The following IKZF3 variants were observed in gnomAD, a reference collection of about 807,000 sequenced individuals.
IKZF3 encodes zinc finger protein Aiolos.
IKZF3 carries 10 observed loss-of-function variants against 49.0 expected under a neutral mutation model. The observed-to-expected ratio is 0.20, with a 90% CI of 0.13 to 0.35. The LOEUF (loss-of-function observed/expected upper bound fraction) is 0.35. Among genes scored for constraint, IKZF3 ranks in the 10% least tolerant of loss-of-function variants. The probability of loss-of-function intolerance (pLI) is 1.00; values close to 1 mark genes in which losing one functional copy is unlikely to be tolerated. For missense variants in IKZF3, 498 were observed against 664.8 expected, an observed-to-expected ratio of 0.75 and a Z score of 2.76; for synonymous variants, 209 against 228.2, an observed-to-expected ratio of 0.92 and a Z score of 0.76.
At chr17:39,862,640 T>A (rs2063245422) in intron 1 of IKZF3, among the ~76,000 whole-genome samples, 1 of 152,290 alleles carries the variant, frequency 6.6e-6, no homozygotes. Flanking sequence ...AAGCATAATC[T>A]ATACTATCTA....
At position 39,773,356 on chromosome 17, in the gene IKZF3, A is replaced by C. The variant is rs1485371950; in HGVS notation, c.826+4295T>G. On this transcript the variant is annotated intron_variant, in intron 7 of 7. Transcript: ENST00000346872. Reference sequence around the variant, plus strand: ...AGCCCAAAAATACTATGACATTGTAATGCTTACAGGATTATGGACATCAGG... The same window carrying C: ...AGCCCAAAAATACTATGACATTGTACTGCTTACAGGATTATGGACATCAGG... 5.9e-5 allele frequency among the ~76,000 whole-genome samples: 9 copies of C among 152,204 alleles called. No homozygotes were observed. The South Asian group carries it at 1.9e-3, about 31-fold the overall frequency.
Position 39,823,698 on chromosome 17 carries a change from C to T in IKZF3, c.163+5689G>A, listed in dbSNP as rs140832160. ...GCATCTAAAAGGGGCAAAGGTACAG[C>T]TCAGGCTGTTGCTTCAGAGAGTACA... On this transcript the variant is annotated intron_variant, in intron 3 of 7. Transcript: ENST00000346872. Among the ~76,000 whole-genome samples, 657 of 152,326 alleles carry T rather than the reference C, an allele frequency of 4.3e-3. 6 individuals are homozygous for T. Among genetic ancestry groups the T allele is most frequent in the African/African-American group, 0.015 (609 of 41,572 alleles).
At chr17:39,801,796 T>A (rs1232686258) in intron 3 of IKZF3, among the ~76,000 whole-genome samples, 1 of 152,242 alleles carries the variant, frequency 6.6e-6, no homozygotes, top group African/African-American at 2.4e-5. Context: ...AACTAAACTT[T>A]TGGTCATTGA....
At chr17:39,768,879 G>C (rs773043633) in intron 7 of IKZF3, among the ~76,000 whole-genome samples, 1 of 152,256 alleles carries the variant, frequency 6.6e-6, no homozygotes, top group African/African-American at 2.4e-5. Context: ...CAATGAAACA[G>C]AGCATTTCAT....
intron 1 of IKZF3, chr17:39,836,165 G>A (rs544192882): frequency 2.0e-5 from 13 of 663,470 alleles, no homozygotes; most frequent in Admixed American, 1.9e-4. Flanking sequence ...TCCACCTCCA[G>A]CTTAAGGGGG....
intron 6 of IKZF3, chr17:39,778,070 T>C (rs1168287973): frequency 9.6e-7 from 1 of 1,040,372 alleles, no homozygotes; most frequent in Non-Finnish European, 1.2e-6. Context: ...TGCAAAAAGA[T>C]AGATAGATGG....
At chr17:39,800,339 A>G (rs2061286137) in intron 3 of IKZF3, among the ~76,000 whole-genome samples, 1 of 152,164 alleles carries the variant, frequency 6.6e-6, no homozygotes, top group South Asian at 2.1e-4. Flanking sequence ...ATGTTTTCTT[A>G]TTATTCTTTA....
intron 3 of IKZF3, among the ~76,000 whole-genome samples, chr17:39,794,382 A>G (rs931409598): frequency 1.3e-5 from 2 of 152,260 alleles, no homozygotes; most frequent in Admixed American, 6.5e-5. Context: ...ATCCCTTCCA[A>G]AAAACATCAG....
chr17:39,861,969 G>A (rs1363258591), intron 1 of IKZF3, among the ~76,000 whole-genome samples: 1 of 151,966 alleles, frequency 6.6e-6, no homozygotes, highest in Non-Finnish European at 1.5e-5. Flanking sequence ...TAAATAAGAA[G>A]TCTGCCATTA....
chr17:39,851,694 C>T (rs1381395004), intron 1 of IKZF3, among the ~76,000 whole-genome samples: 5 of 152,092 alleles, frequency 3.3e-5, no homozygotes, highest in African/African-American at 1.2e-4. Flanking sequence ...AGGAAACCTT[C>T]TAAGGTGATG....
Position 39,765,803 on chromosome 17 carries a change from G to A in IKZF3, c.1517C>T (p.Ala506Val). ...GAGACCAGATATTCACTTCAGCAGG[G>A]CTCTGTGTTCTCCTCTGGCTATGTG... ...SSHIARGEHR[A>V]LLK The change falls in exon 8 of 8, where the codon GCC becomes GTC. Residue 506 changes from alanine (A) to valine (V), a missense_variant. Coordinates refer to ENST00000346872, the MANE Select transcript of IKZF3 (RefSeq NM_012481.5). The A allele has an allele frequency of 1.2e-6, 2 of 1,602,336 alleles. No individual in the cohort carries two copies. The highest frequency in any genetic ancestry group is 1.7e-6 in the Non-Finnish European group (2 of 1,170,976).
At chr17:39,776,075 ACT>A (rs1208010711) in intron 7 of IKZF3, among the ~76,000 whole-genome samples, 1 of 151,742 alleles carries the variant, frequency 6.6e-6, no homozygotes, top group Non-Finnish European at 1.5e-5. Context: ...ACATGAGGAG[ACT>A]CTATCTCTAC....
At chr17:39,826,743 C>T (rs970831274) in intron 3 of IKZF3, among the ~76,000 whole-genome samples, 7 of 152,110 alleles carry the variant, frequency 4.6e-5, no homozygotes, top group Non-Finnish European at 5.9e-5. Flanking sequence ...GAGGTGAGCA[C>T]GTGGGTCCAT....
intron 6 of IKZF3, among the ~76,000 whole-genome samples, chr17:39,787,594 A>C (rs763315792): frequency 3.9e-5 from 6 of 152,224 alleles, no homozygotes; most frequent in Non-Finnish European, 8.8e-5. Context: ...ACCTTTAAAT[A>C]TACAGAGAAT....
At chr17:39,816,958 C>G (rs1324452733) in intron 3 of IKZF3, among the ~76,000 whole-genome samples, 1 of 152,228 alleles carries the variant, frequency 6.6e-6, no homozygotes, top group East Asian at 1.9e-4. Flanking sequence ...AGGCGATCTG[C>G]CTGCCTGGGC....
chr17:39,827,625 G>A (rs952549872), intron 3 of IKZF3, among the ~76,000 whole-genome samples: 17 of 152,108 alleles, frequency 1.1e-4, no homozygotes, highest in Non-Finnish European at 8.8e-5. Context: ...TGTTTTTGAC[G>A]GGGATAAACA....
At chr17:39,819,371 A>G (rs1568018260) in intron 3 of IKZF3, among the ~76,000 whole-genome samples, 1 of 152,198 alleles carries the variant, frequency 6.6e-6, no homozygotes, top group Non-Finnish European at 1.5e-5. Flanking sequence ...CAGAAAAAAA[A>G]CAAGCCACAG....
rs182123711 is a variant in IKZF3 at position 39,791,301 on chromosome 17, C to T, written c.592+115G>A. 136 of 1,099,798 alleles carry T rather than the reference C, an allele frequency of 1.2e-4. No individual in the cohort carries two copies. In the East Asian group the frequency reaches 1.7e-3, roughly 14 times the overall value. The allele number at this position is 1,099,798 out of a possible 1,614,324, so 68.1% of individuals were successfully genotyped here. On this transcript the variant is annotated intron_variant, in intron 5 of 7. Coordinates refer to ENST00000346872, the MANE Select transcript of IKZF3 (RefSeq NM_012481.5). ...GCCCTAGAGGTCTCTGCTGTTGTAA[C>T]CCTTCAGAACAAGAATGACAGATTG... is the stretch of plus-strand genomic sequence containing the variant.
intron 2 of IKZF3, among the ~76,000 whole-genome samples, chr17:39,830,438 G>A (rs986286651): frequency 1.3e-5 from 2 of 152,238 alleles, no homozygotes; most frequent in East Asian, 1.9e-4. Context: ...TCAGACAAAG[G>A]ATTAAATAAA....
Sources: gnomAD v4.1 joint callset for allele counts (sites outside exome capture counted in the v4.1 genomes callset) on GRCh38, gnomAD v4.1.1 for gene constraint, MANE v1.5 for transcripts, NCBI Gene and HGNC (gene_info 2026-07-23, HGNC 2026-07-21) for gene names.